OSBPL10: variants seen among roughly 807,000 people sequenced by gnomAD.
The protein encoded by OSBPL10 is oxysterol binding protein like 10.
Under a neutral mutation model 81.7 loss-of-function variants are expected in OSBPL10, and 49 were observed. The ratio of observed to expected loss-of-function variants is 0.60; its 90% CI spans 0.48 to 0.76. The LOEUF is 0.76. Ranked by LOEUF, OSBPL10 falls within the 30% of genes least tolerant of loss-of-function variation. The pLI is 0.00. For synonymous variants in OSBPL10, 419 were observed against 383.6 expected (o/e 1.09, Z -1.08); for missense variants, 923 against 987.8 (o/e 0.93, Z 0.88).
chr3:31,993,039 A>G (rs938618368), intron 2 of OSBPL10, among the ~76,000 whole-genome samples: 3 of 152,132 alleles, frequency 2.0e-5, no homozygotes, highest in Admixed American at 6.5e-5. Context: ...TTTACTCTAC[A>G]AAAGATATGG....
At chr3:31,944,240 C>G (rs1455852805) in intron 1 of OSBPL10, among the ~76,000 whole-genome samples, 1 of 152,012 alleles carries the variant, frequency 6.6e-6, no homozygotes, top group Non-Finnish European at 1.5e-5. Flanking sequence ...ATAAAGATTA[C>G]CTATTTGTCT....
At chr3:31,678,358 T>C (rs1193728617) in intron 8 of OSBPL10, among the ~76,000 whole-genome samples, 1 of 151,934 alleles carries the variant, frequency 6.6e-6, no homozygotes, top group African/African-American at 2.4e-5. Flanking sequence ...AAGGGAAAGA[T>C]GAACACATTG....
chr3:32,006,326 T>C (rs1371015788), intron 2 of OSBPL10, among the ~76,000 whole-genome samples: 2 of 152,242 alleles, frequency 1.3e-5, no homozygotes, highest in East Asian at 1.9e-4. Context: ...TTGTGTATTT[T>C]TCTGTTGGAT....
chr3:31,923,743 T>G (rs935720633), intron 1 of OSBPL10, among the ~76,000 whole-genome samples: 1 of 152,144 alleles, frequency 6.6e-6, no homozygotes, highest in Non-Finnish European at 1.5e-5. Flanking sequence ...GTTATGATTG[T>G]GCCATTGCAC....
chr3:31,733,267 G>A lies in OSBPL10; in HGVS notation c.1085C>T (p.Pro362Leu), dbSNP rs761527325. The A allele has an allele frequency of 6.2e-7, 1 of 1,613,198 alleles. No homozygotes were observed. The highest frequency in any genetic ancestry group is 8.5e-7 in the Non-Finnish European group (1 of 1,179,844). Residue 362 changes from proline (P) to leucine (L), a missense_variant, in exon 6 of 12, where the codon CCA (proline) becomes CTA (leucine). Coordinates refer to ENST00000396556, the MANE Select transcript of OSBPL10 (RefSeq NM_017784.5). Reference sequence around the variant, plus strand: ...GGACTGCACGCTTACCTCTGGCTCTGGCTGTGAGGTTTGTTCGTCTTCAGC... The same window carrying A: ...GGACTGCACGCTTACCTCTGGCTCTAGCTGTGAGGTTTGTTCGTCTTCAGC... ...NSAEDEQTSQ[P>L]EPEPNSGSEL...
At chr3:32,073,187 C>A (rs1045693615) in intron 1 of OSBPL10, among the ~76,000 whole-genome samples, 3 of 152,158 alleles carry the variant, frequency 2.0e-5, no homozygotes, top group Non-Finnish European at 2.9e-5. Context: ...TCTTACTCGG[C>A]CCAAACCTCA....
chr3:31,875,073 T>C (rs919952290), intron 3 of OSBPL10, among the ~76,000 whole-genome samples: 1 of 74,008 alleles, frequency 1.4e-5, no homozygotes, highest in African/African-American at 5.2e-5. Context: ...ATCTCCAAAA[T>C]ATATTAAGTA....
rs116337522 is a variant in OSBPL10, at chr3:31,959,184, G to A, written c.281+21715C>T. 2.4e-3 allele frequency among the ~76,000 whole-genome samples: 359 copies of A among 152,080 alleles called. 3 individuals carry two copies. The highest frequency in any genetic ancestry group is 8.0e-3 in the African/African-American group (333 of 41,488). Reference sequence around the variant, plus strand: ...TCCTAAAGAAATGCTACGAGATATCGGCTCACAGAGAAAAGTCTCAAATTT... The same window carrying A: ...TCCTAAAGAAATGCTACGAGATATCAGCTCACAGAGAAAAGTCTCAAATTT... On this transcript the variant is annotated intron_variant, in intron 1 of 11. Coordinates refer to ENST00000396556, the MANE Select transcript of OSBPL10 (RefSeq NM_017784.5).
At chr3:31,833,392 T>C (rs1700290944) in intron 3 of OSBPL10, among the ~76,000 whole-genome samples, 1 of 152,150 alleles carries the variant, frequency 6.6e-6, no homozygotes, top group Non-Finnish European at 1.5e-5. Context: ...GAAATAATAA[T>C]ATTGACCCTT....
chr3:31,781,412 A>T (rs1698692208), intron 4 of OSBPL10, among the ~76,000 whole-genome samples: 1 of 152,210 alleles, frequency 6.6e-6, no homozygotes. Context: ...CAAGACAAGG[A>T]TGCCCACTTT....
At chr3:31,911,513 G>C (rs1024356067) in intron 1 of OSBPL10, among the ~76,000 whole-genome samples, 1 of 151,710 alleles carries the variant, frequency 6.6e-6, no homozygotes, top group Non-Finnish European at 1.5e-5. Flanking sequence ...CTACAACAGG[G>C]GTGTCCAATC....
chr3:32,018,805 G>A (rs961327794), intron 2 of OSBPL10, among the ~76,000 whole-genome samples: 1 of 152,162 alleles, frequency 6.6e-6, no homozygotes, highest in East Asian at 1.9e-4. Context: ...AGAAAAAAAG[G>A]TAGTGTTTTT....
chr3:31,685,064 G>T (rs961157670), intron 7 of OSBPL10, among the ~76,000 whole-genome samples: 1 of 152,154 alleles, frequency 6.6e-6, no homozygotes, highest in Non-Finnish European at 1.5e-5. Context: ...ATCATCTACT[G>T]TAAGTCACTT....
rs186660781 is a variant in OSBPL10, at chr3:31,965,471, A to C, written c.281+15428T>G. Among the ~76,000 whole-genome samples the C allele has an allele frequency of 6.4e-3, 670 of 104,604 alleles. 87 individuals carry two copies. The East Asian group carries it at 0.13, about 21-fold the overall frequency. 68.6% of individuals were successfully genotyped at this position (104,604 alleles called of 152,430 possible). A position where few individuals can be genotyped will look rare whatever the true frequency, so the allele number is the denominator to read the frequency against. On this transcript the variant is annotated intron_variant, in intron 1 of 11. Transcript: ENST00000396556. Reference sequence around the variant, plus strand: ...ATATAATATATAATTTATATAATATATATTATATATTATCTATTTTATATA... The same window carrying C: ...ATATAATATATAATTTATATAATATCTATTATATATTATCTATTTTATATA...
intron 5 of OSBPL10, among the ~76,000 whole-genome samples, chr3:31,741,700 C>G (rs1258895210): frequency 6.6e-6 from 1 of 152,154 alleles, no homozygotes; most frequent in Non-Finnish European, 1.5e-5. Context: ...TATTGATATC[C>G]TATTGATATG....
chr3:31,675,414 C>T (rs879395711), intron 8 of OSBPL10, among the ~76,000 whole-genome samples: 3 of 152,120 alleles, frequency 2.0e-5, no homozygotes, highest in South Asian at 2.1e-4. Flanking sequence ...CCAAGTCCTC[C>T]GTCACTCACC....
intron 4 of OSBPL10, among the ~76,000 whole-genome samples, chr3:31,784,135 T>C (rs1341843729): frequency 6.6e-6 from 1 of 151,270 alleles, no homozygotes; most frequent in Non-Finnish European, 1.5e-5. Flanking sequence ...GGTCAGGAGT[T>C]CAAGACCAGC....
At chr3:31,850,521 A>T (rs1700738158) in intron 3 of OSBPL10, among the ~76,000 whole-genome samples, 1 of 152,172 alleles carries the variant, frequency 6.6e-6, no homozygotes, top group Non-Finnish European at 1.5e-5. Flanking sequence ...CAAAGAGCAA[A>T]GGGGCAGCAA....
Position 31,668,811 on chromosome 3 carries a change from C to T in OSBPL10, c.1927G>A (p.Val643Met). ...ATGGTGTTGGTTGGGTTGTGCTTCA[C>T]TTCTGCGGTAACCCTGAATTAATGA... ...GGKVHRVTAEVKHNPTNTIVC... is the reference protein window; with the variant it reads ...GGKVHRVTAEMKHNPTNTIVC... The change falls in exon 10 of 12, where the codon GTG becomes ATG. Residue 643 changes from valine to methionine, a missense_variant. Physicochemically the swap from Val to Met is conservative, Grantham distance 21 (BLOSUM62 1). This residue lies in a region of OSBPL10 where 387 missense variants were observed against 436.3 expected (regional missense o/e 0.89). Transcript: ENST00000396556. The T allele has an allele frequency of 6.2e-7, 1 of 1,609,410 alleles. No homozygotes were observed. The highest frequency in any genetic ancestry group is 2.2e-5 in the East Asian group (1 of 44,832).
Sources: gnomAD v4.1 joint callset for allele counts (sites outside exome capture counted in the v4.1 genomes callset) on GRCh38, gnomAD v4.1.1 for gene constraint, gnomAD v4.1.1 regional missense constraint, MANE v1.5 for transcripts, NCBI Gene and HGNC (gene_info 2026-07-23, HGNC 2026-07-21) for gene names.